FCHSD2: variants seen among roughly 807,000 people sequenced by gnomAD.
FCHSD2 encodes F-BAR and double SH3 domains protein 2.
In FCHSD2, 38 loss-of-function variants were observed where a neutral mutation model predicts 108.1. That is an observed-to-expected ratio of 0.35 (90% CI 0.27 to 0.46). The LOEUF (loss-of-function observed/expected upper bound fraction) is 0.46, where lower values mean the gene tolerates loss of function less well. Ranked by LOEUF, FCHSD2 falls within the 20% of genes least tolerant of loss-of-function variation. The pLI is 1.00. For synonymous variants in FCHSD2, 279 were observed against 314.7 expected (o/e 0.89, Z 1.20); for missense variants, 751 against 897.8 (o/e 0.84, Z 2.09).
At chr11:73,023,018 G>A (rs1172802593) in intron 3 of FCHSD2, among the ~76,000 whole-genome samples, 1 of 151,996 alleles carries the variant, frequency 6.6e-6, no homozygotes, top group Non-Finnish European at 1.5e-5. Context: ...AAAAACCCTT[G>A]ACACATACCT....
At chr11:73,023,863 A>C (rs1858165909) in intron 3 of FCHSD2, among the ~76,000 whole-genome samples, 1 of 152,230 alleles carries the variant, frequency 6.6e-6, no homozygotes, top group African/African-American at 2.4e-5. Context: ...ACTTGGATGA[A>C]TCTTAAAATG....
rs1194333407 is a variant in FCHSD2, at chr11:72,939,609, C to CTT, written c.706-17661_706-17660dup. Among the ~76,000 whole-genome samples, 354 of 65,482 alleles carry CTT rather than the reference C, an allele frequency of 5.4e-3. 13 individuals carry two copies. The highest frequency in any genetic ancestry group is 0.013 in the Middle Eastern group (1 of 80). 43.0% of individuals were successfully genotyped at this position (65,482 alleles called of 152,430 possible). Reference sequence around the variant, plus strand: ...AGACGGTTGATGGCTCTTTCTTTTCCTTTTTTTTTTTTTTTTTTTTTTTTT... The same window carrying CTT: ...AGACGGTTGATGGCTCTTTCTTTTCCTTTTTTTTTTTTTTTTTTTTTTTTTTT... On this transcript the variant is annotated intron_variant, in intron 8 of 19. Coordinates refer to ENST00000409418, the MANE Select transcript of FCHSD2 (RefSeq NM_014824.3).
At chr11:73,064,770 A>G (rs1859250583) in intron 3 of FCHSD2, among the ~76,000 whole-genome samples, 1 of 152,152 alleles carries the variant, frequency 6.6e-6, no homozygotes, top group Admixed American at 6.5e-5. Flanking sequence ...AAATGGATAA[A>G]TTCCTTGACA....
At position 72,836,860 on chromosome 11, in the gene FCHSD2, C is replaced by T. The variant is rs1480685150; in HGVS notation, c.*1931G>A. 1 of 152,580 alleles carries T rather than the reference C, an allele frequency of 6.6e-6. No individual in the cohort carries two copies. Among genetic ancestry groups the T allele is most frequent in the East Asian group, 1.9e-4 (1 of 5,196 alleles). The allele number at this position is 152,580 out of a possible 1,614,324, so 9.5% of individuals were successfully genotyped here. A position where few individuals can be genotyped will look rare whatever the true frequency, so the allele number is the denominator to read the frequency against. ...CTCCCTCCGAGCCCTGACCTGTGCA[C>T]TGTGGTGCTGGATTCCATATCCTGG... On this transcript the variant is annotated 3_prime_UTR_variant, in exon 20 of 20. Transcript: ENST00000409418.
intron 8 of FCHSD2, among the ~76,000 whole-genome samples, chr11:72,959,220 C>CTTTTTTTTTTTTTTTTTTTTTTTTTT (rs11408216): frequency 1.8e-5 from 1 of 56,326 alleles, no homozygotes; most frequent in African/African-American, 7.1e-5. Flanking sequence ...ATCCAGCAGT[C>CTTTTTTTTTTTTTTTTTTTTTTTTTT]TTTTTTTTTT....
chr11:73,065,924 C>T (rs1488922178), intron 3 of FCHSD2, among the ~76,000 whole-genome samples: 6 of 152,074 alleles, frequency 3.9e-5, no homozygotes, highest in Middle Eastern at 3.2e-3. Flanking sequence ...AATGGCCATA[C>T]CACCCAAAGT....
intron 8 of FCHSD2, among the ~76,000 whole-genome samples, chr11:72,943,145 C>A (rs1236181963): frequency 2.0e-5 from 3 of 152,118 alleles, no homozygotes; most frequent in Non-Finnish European, 2.9e-5. Context: ...GCGCGTGCCA[C>A]CATGCCCAGC....
At chr11:72,995,446 A>G (rs894978233) in intron 5 of FCHSD2, among the ~76,000 whole-genome samples, 11 of 152,178 alleles carry the variant, frequency 7.2e-5, no homozygotes, top group African/African-American at 2.6e-4. Flanking sequence ...TCACACCTGT[A>G]ATCTTAGCAC....
At position 72,887,527 on chromosome 11, in the gene FCHSD2, G is replaced by C; in HGVS notation, c.1089C>G (p.Ser363Arg). The change falls in exon 12 of 20, where the codon AGC becomes AGG. Residue 363 changes from serine to arginine, a missense_variant. By Grantham distance (110) the Ser-to-Arg change is moderately radical. Coordinates refer to ENST00000409418, the MANE Select transcript of FCHSD2 (RefSeq NM_014824.3). ...ECHGAAVSEQ[S>R]RAELEQKIDE... ...CTATTTTCTGTTCTAGCTCTGCTCG[G>C]CTTTGTTCTGATACAGCAGCTCCAT... The C allele has an allele frequency of 1.2e-6, 2 of 1,602,356 alleles. No individual in the cohort carries two copies. The highest frequency in any genetic ancestry group is 1.7e-6 in the Non-Finnish European group (2 of 1,175,446).
At chr11:73,038,972 C>T (rs1858565168) in intron 3 of FCHSD2, among the ~76,000 whole-genome samples, 1 of 152,132 alleles carries the variant, frequency 6.6e-6, no homozygotes, top group Admixed American at 6.5e-5. Context: ...TGACCCCCAG[C>T]CTAGTATTCA....
chr11:73,070,364 C>T (rs1859404259), intron 3 of FCHSD2, among the ~76,000 whole-genome samples: 1 of 152,180 alleles, frequency 6.6e-6, no homozygotes, highest in Non-Finnish European at 1.5e-5. Flanking sequence ...TCTTGACATC[C>T]CTAGAACCTA....
At position 73,116,929 on chromosome 11, in the gene FCHSD2, G is replaced by A. The variant is rs79297540; in HGVS notation, c.119+23102C>T. 8.2e-3 allele frequency among the ~76,000 whole-genome samples: 808 copies of A among 98,480 alleles called. 8 individuals are homozygous for A. The highest frequency in any genetic ancestry group is 0.033 in the African/African-American group (764 of 23,042). The allele number at this position is 98,480 out of a possible 152,430, so 64.6% of individuals were successfully genotyped here. On this transcript the variant is annotated intron_variant, in intron 2 of 19. Transcript: ENST00000409418. ...GGTAAGAGTAATTATATTTTTTCATGTAAAACCTTTCCATTTTTCCCCAAA... is the reference window on the plus strand; with the variant it reads ...GGTAAGAGTAATTATATTTTTTCATATAAAACCTTTCCATTTTTCCCCAAA...
intron 3 of FCHSD2, among the ~76,000 whole-genome samples, chr11:73,037,927 C>T (rs1858538519): frequency 6.6e-6 from 1 of 152,182 alleles, no homozygotes. Flanking sequence ...ACCAATTTCA[C>T]ACTAAAGAGT....
intron 19 of FCHSD2, among the ~76,000 whole-genome samples, 188 bp from the exon 20 acceptor site, chr11:72,839,062 A>G (rs559077590): frequency 6.6e-5 from 10 of 152,332 alleles, no homozygotes; most frequent in African/African-American, 2.2e-4. Context: ...TCTCAATGAA[A>G]TATCAAGCCC....
At chr11:73,070,330 A>T (rs1859403532) in intron 3 of FCHSD2, among the ~76,000 whole-genome samples, 2 of 152,190 alleles carry the variant, frequency 1.3e-5, no homozygotes, top group South Asian at 2.1e-4. Context: ...TCCAGCACTA[A>T]ACAGCCTATA....
rs571628838 is a variant in FCHSD2, at chr11:72,872,157, C to T, written c.1147-4131G>A. 1.8e-4 allele frequency among the ~76,000 whole-genome samples: 27 copies of T among 152,064 alleles called. 1 individual carries two copies. In the South Asian group the frequency reaches 5.6e-3, roughly 32 times the overall value. Reference sequence around the variant, plus strand: ...ACAATTGGAATTTTTGGCTTAGAGGCACTCCAATTGGTAAATACTCTTGCA... The same window carrying T: ...ACAATTGGAATTTTTGGCTTAGAGGTACTCCAATTGGTAAATACTCTTGCA... On this transcript the variant is annotated intron_variant, in intron 12 of 19. Transcript: ENST00000409418.
intron 3 of FCHSD2, among the ~76,000 whole-genome samples, chr11:73,067,940 T>TCAC (rs914219683): frequency 1.3e-5 from 2 of 152,134 alleles, no homozygotes; most frequent in Admixed American, 1.3e-4. Context: ...TTGGGAGGCC[T>TCAC]CACAATCATG....
chr11:73,122,942 T>A (rs974069940), intron 2 of FCHSD2, among the ~76,000 whole-genome samples: 2 of 152,174 alleles, frequency 1.3e-5, no homozygotes, highest in African/African-American at 4.8e-5. Context: ...GCAGTTACAT[T>A]TAGAGTACAC....
chr11:72,933,377 G>C (rs1400602565), intron 8 of FCHSD2, among the ~76,000 whole-genome samples: 2 of 152,168 alleles, frequency 1.3e-5, no homozygotes, highest in Non-Finnish European at 2.9e-5. Flanking sequence ...GAGAAATTTG[G>C]CAAAGTGAAG....
Sources: allele counts gnomAD v4.1 joint callset (sites outside exome capture counted in the v4.1 genomes callset), GRCh38; gene constraint gnomAD v4.1.1; transcripts MANE v1.5; gene names NCBI Gene and HGNC (gene_info 2026-07-23, HGNC 2026-07-21).